The following ASB9 variants were observed in gnomAD, a reference collection of about 807,000 sequenced individuals.
ASB9 encodes the protein ankyrin repeat and SOCS box containing 9.
ASB9 carries 5 observed loss-of-function variants against 16.6 expected under a neutral mutation model. That is an observed-to-expected ratio of 0.30 (90% CI 0.16 to 0.63). The LOEUF (loss-of-function observed/expected upper bound fraction) is 0.63, where lower values mean the gene tolerates loss of function less well. ASB9 is among the 30% of genes least tolerant of loss of function. The probability of loss-of-function intolerance (pLI) is 0.82; values close to 1 mark genes in which losing one functional copy is unlikely to be tolerated. For synonymous variants in ASB9, 100 were observed against 86.4 expected (o/e 1.16, Z -0.87); for missense variants, 216 against 229.4 (o/e 0.94, Z 0.38).
chrX:15,254,482 A>G (rs1039235897), intron 3 of ASB9, among the ~76,000 whole-genome samples: 4 of 112,459 alleles, frequency 3.6e-5, no homozygotes, highest in Non-Finnish European at 7.5e-5. Context: ...ATAACAATGA[A>G]GACAGAAGTC....
Position 15,263,759 on chromosome X carries a change from C to T in ASB9, c.95-4814G>A, listed in dbSNP as rs781488069. On this transcript the variant is annotated intron_variant, in intron 1 of 6. Transcript: ENST00000380488. Reference sequence around the variant, plus strand: ...ACAATAAAATTGTTTTCTTTCAATACCTGTTCTAGCTTGTCTTCTGTTTAA... The same window carrying T: ...ACAATAAAATTGTTTTCTTTCAATATCTGTTCTAGCTTGTCTTCTGTTTAA... Among the ~76,000 whole-genome samples, 3 of 111,589 alleles carry T rather than the reference C, an allele frequency of 2.7e-5. No homozygotes were observed. In the East Asian group the frequency reaches 8.4e-4, roughly 31 times the overall value.
chrX:15,256,497 G>C (rs1157473382), intron 2 of ASB9, among the ~76,000 whole-genome samples: 3 of 106,971 alleles, frequency 2.8e-5, no homozygotes, highest in African/African-American at 1.0e-4. Flanking sequence ...CCAACTCTTG[G>C]CCGGGTGCAG....
chrX:15,255,297 A>G (rs1925449632), intron 2 of ASB9, among the ~76,000 whole-genome samples: 1 of 112,110 alleles, frequency 8.9e-6, no homozygotes, highest in Admixed American at 9.5e-5. Context: ...TGATGCTTGC[A>G]AAAATAATGT....
chrX:15,248,997 T>G (rs1022020245), intron 5 of ASB9, 62 bp from the exon 6 acceptor site: 88 of 1,032,289 alleles, frequency 8.5e-5, no homozygotes, highest in Admixed American at 1.8e-4. Flanking sequence ...TCGGGGCTTT[T>G]CAAAGCCCCG....
At chrX:15,256,411 G>A (rs1925543473) in intron 2 of ASB9, among the ~76,000 whole-genome samples, 1 of 96,524 alleles carries the variant, frequency 1.0e-5, no homozygotes, top group African/African-American at 3.8e-5. Context: ...TCCACCTCCT[G>A]GGTTCACGCC....
chrX:15,260,021 C>G (rs1200204475), intron 1 of ASB9, among the ~76,000 whole-genome samples: 1 of 111,841 alleles, frequency 8.9e-6, no homozygotes, highest in African/African-American at 3.3e-5. Flanking sequence ...TACCATGGCT[C>G]AACACATACT....
chrX:15,265,055 G>C (rs1333598691), intron 1 of ASB9, among the ~76,000 whole-genome samples: 1 of 111,940 alleles, frequency 8.9e-6, no homozygotes, highest in Non-Finnish European at 1.9e-5. Context: ...CAACTTACTG[G>C]TCCTACTTCA....
At chrX:15,258,767 T>C in intron 2 of ASB9, 99 bp downstream of exon 2, 1 of 641,105 alleles carries the variant, frequency 1.6e-6, no homozygotes, top group Non-Finnish European at 2.5e-6. Flanking sequence ...CTAGGTCTTC[T>C]ATTTAATGAA....
intron 1 of ASB9, among the ~76,000 whole-genome samples, chrX:15,261,561 C>G (rs1319533971): frequency 1.8e-5 from 2 of 112,109 alleles, no homozygotes; most frequent in Non-Finnish European, 3.8e-5. Flanking sequence ...TTACTTTCTG[C>G]TCATTCATCA....
chrX:15,267,417 A>ATATATAT (rs1555934601), intron 1 of ASB9, among the ~76,000 whole-genome samples: 41 of 77,989 alleles, frequency 5.3e-4, no homozygotes, highest in African/African-American at 1.8e-3. Context: ...CTAAAAAAAA[A>ATATATAT]ATATATATAT....
intron 2 of ASB9, among the ~76,000 whole-genome samples, chrX:15,255,139 G>A: frequency 9.0e-6 from 1 of 111,323 alleles, no homozygotes; most frequent in Non-Finnish European, 1.9e-5. Context: ...AAATATACAA[G>A]AATATTCACA....
At chrX:15,256,669 C>T (rs1925575679) in intron 2 of ASB9, among the ~76,000 whole-genome samples, 1 of 98,657 alleles carries the variant, frequency 1.0e-5, no homozygotes, top group South Asian at 5.4e-4. Context: ...CCCAGCTACT[C>T]GGGAGGCTGA....
At chrX:15,264,971 A>G (rs977340968) in intron 1 of ASB9, among the ~76,000 whole-genome samples, 1 of 111,730 alleles carries the variant, frequency 9.0e-6, no homozygotes, top group African/African-American at 3.3e-5. Context: ...TGTGACTTCT[A>G]CTTCTTTGAA....
intron 1 of ASB9, among the ~76,000 whole-genome samples, chrX:15,268,910 G>C (rs772291898): frequency 9.0e-6 from 1 of 111,011 alleles, no homozygotes; most frequent in Non-Finnish European, 1.9e-5. Flanking sequence ...GCTTGTCTCC[G>C]TCACAAGCCC....
At chrX:15,258,680 A>G (rs1925757887) in intron 2 of ASB9, among the ~76,000 whole-genome samples, 186 bp downstream of exon 2, 1 of 112,370 alleles carries the variant, frequency 8.9e-6, no homozygotes, top group African/African-American at 3.2e-5. Flanking sequence ...TTGTATTACA[A>G]TTGCTGTAGA....
intron 6 of ASB9, among the ~76,000 whole-genome samples, chrX:15,245,897 G>C (rs1221635000): frequency 8.9e-6 from 1 of 112,037 alleles, no homozygotes; most frequent in Non-Finnish European, 1.9e-5. Context: ...AAAAATACTT[G>C]CAGTATTTTA....
chrX:15,245,775 T>C (rs774218989), intron 6 of ASB9, among the ~76,000 whole-genome samples: 61 of 112,117 alleles, frequency 5.4e-4, no homozygotes, highest in African/African-American at 1.9e-3. Flanking sequence ...AAGGATACTG[T>C]GGTCTCTATT....
intron 1 of ASB9, among the ~76,000 whole-genome samples, chrX:15,264,562 C>T (rs778621916): frequency 2.7e-5 from 3 of 111,226 alleles, no homozygotes; most frequent in South Asian, 7.6e-4. Flanking sequence ...GGCAGAAAAA[C>T]GCCTGCAGGT....
intron 1 of ASB9, among the ~76,000 whole-genome samples, chrX:15,265,570 G>A (rs1484604653): frequency 9.0e-6 from 1 of 111,313 alleles, no homozygotes; most frequent in Non-Finnish European, 1.9e-5. Flanking sequence ...TCACCTGGGA[G>A]TTTGTTATGA....
Sources: gnomAD v4.1 joint callset for allele counts (sites outside exome capture counted in the v4.1 genomes callset) on GRCh38, gnomAD v4.1.1 for gene constraint, MANE v1.5 for transcripts, NCBI Gene and HGNC (gene_info 2026-07-23, HGNC 2026-07-21) for gene names.